ALK: variants seen among roughly 807,000 people sequenced by gnomAD.
ALK encodes ALK tyrosine kinase receptor.
A neutral mutation model predicts 163.1 loss-of-function variants in ALK; 74 were observed. That is an observed-to-expected ratio of 0.45 (90% CI 0.38 to 0.55). The LOEUF (loss-of-function observed/expected upper bound fraction) is 0.55. Among genes scored for constraint, ALK ranks in the 20% least tolerant of loss-of-function variants. The pLI is 0.00. For missense variants in ALK, 2,063 were observed against 2,105.3 expected, an observed-to-expected ratio of 0.98 and a Z score of 0.39; for synonymous variants, 960 against 843.2, an observed-to-expected ratio of 1.14 and a Z score of -2.40.
At chr2:29,517,641 T>C (rs1672706708) in intron 4 of ALK, among the ~76,000 whole-genome samples, 1 of 152,188 alleles carries the variant, frequency 6.6e-6, no homozygotes, top group African/African-American at 2.4e-5. Flanking sequence ...CTGCTACTAA[T>C]GGAGATATTA....
rs1425797886 is a variant in ALK at position 29,193,410 on chromosome 2, G to T, written c.4677C>A (p.Pro1559=). The stretch of plus-strand genomic sequence containing the variant: ...CCTTCATATTGGCAGTCAGCGAAGA[G>T]GGCTCTAGGAGCAGTGAGGCCCCCG... The part of the protein sequence containing the change: ...RLPGASLLLE[P]SSLTANMKEV... Residue 1559 remains proline, a synonymous_variant, in exon 29 of 29, where the codon CCC becomes CCA. Coordinates refer to ENST00000389048, the MANE Select transcript of ALK (RefSeq NM_004304.5). 6.2e-7 allele frequency: 1 copy of T among 1,614,198 alleles called. No individual in the cohort carries two copies. Among genetic ancestry groups the T allele is most frequent in the East Asian group, 2.2e-5 (1 of 44,874 alleles).
Position 29,878,899 on chromosome 2 carries a change from T to C in ALK, c.667+41094A>G, listed in dbSNP as rs573675776. ...TCCAGAGTTGAGAAGGTGAGGCTGG[T>C]AGATGGAGTAGGGAGAGAATCCAGG... On this transcript the variant is annotated intron_variant, in intron 1 of 28. Coordinates refer to ENST00000389048, the MANE Select transcript of ALK (RefSeq NM_004304.5). Among the ~76,000 whole-genome samples, 9 of 152,168 alleles carry C rather than the reference T, an allele frequency of 5.9e-5. No individual in the cohort carries two copies. The South Asian group carries it at 1.7e-3, about 28-fold the overall frequency.
At chr2:29,217,188 T>C (rs1037147135) in intron 23 of ALK, among the ~76,000 whole-genome samples, 2 of 150,990 alleles carry the variant, frequency 1.3e-5, no homozygotes, top group African/African-American at 4.9e-5. Flanking sequence ...GTTGTGTACA[T>C]GTGTGGTGTT....
intron 1 of ALK, among the ~76,000 whole-genome samples, chr2:29,790,703 C>T (rs1363035450): frequency 6.6e-6 from 1 of 152,178 alleles, no homozygotes. Context: ...CCTGCCTCAG[C>T]CTCCCAAGTA....
chr2:29,643,870 C>T (rs1233820997), intron 3 of ALK, among the ~76,000 whole-genome samples: 5 of 152,068 alleles, frequency 3.3e-5, no homozygotes, highest in African/African-American at 1.2e-4. Context: ...ACTAGGAATA[C>T]CATTTGACCC....
chr2:29,741,278 C>T (rs147956964), intron 1 of ALK, among the ~76,000 whole-genome samples: 6 of 152,186 alleles, frequency 3.9e-5, no homozygotes, highest in Non-Finnish European at 7.4e-5. Context: ...ACGGTGAGTG[C>T]CCAACATCAA....
intron 9 of ALK, among the ~76,000 whole-genome samples, chr2:29,286,144 G>A (rs373296681): frequency 6.6e-6 from 1 of 152,138 alleles, no homozygotes; most frequent in African/African-American, 2.4e-5. Context: ...GACTGCTCCT[G>A]TATCTGGACG....
At chr2:29,437,735 A>T (rs1670437580) in intron 4 of ALK, among the ~76,000 whole-genome samples, 1 of 152,122 alleles carries the variant, frequency 6.6e-6, no homozygotes, top group Non-Finnish European at 1.5e-5. Flanking sequence ...CAAATTCCAT[A>T]ATAGGTTCTT....
intron 5 of ALK, among the ~76,000 whole-genome samples, chr2:29,369,308 TTGTGTGTGTG>T (rs3054016): frequency 2.8e-5 from 4 of 145,298 alleles, no homozygotes; most frequent in East Asian, 2.0e-4. Context: ...ACGTGCATAT[TTGTGTGTGTG>T]TGTGTGTGTG....
At chr2:29,265,479 T>A (rs1170198728) in intron 11 of ALK, among the ~76,000 whole-genome samples, 1 of 152,206 alleles carries the variant, frequency 6.6e-6, no homozygotes, top group Non-Finnish European at 1.5e-5. Context: ...TAGTCCTCTT[T>A]TCCAGGAAAC....
intron 4 of ALK, among the ~76,000 whole-genome samples, chr2:29,487,235 GATGACC>G (rs1229817162): frequency 6.6e-6 from 1 of 152,186 alleles, no homozygotes; most frequent in Non-Finnish European, 1.5e-5. Flanking sequence ...GAAATAAACA[GATGACC>G]ATGTAGGGGA....
chr2:29,620,386 A>G (rs1218405844), intron 3 of ALK, among the ~76,000 whole-genome samples: 4 of 152,018 alleles, frequency 2.6e-5, no homozygotes, highest in Non-Finnish European at 5.9e-5. Context: ...TTCCTCCAGT[A>G]GGACCACATC....
chr2:29,594,904 G>T (rs1410652754), intron 3 of ALK, among the ~76,000 whole-genome samples: 1 of 100,844 alleles, frequency 9.9e-6, no homozygotes. Flanking sequence ...TGGGGGGTGG[G>T]GGGCGGGGGG....
At chr2:29,622,658 T>A (rs1676069245) in intron 3 of ALK, among the ~76,000 whole-genome samples, 2 of 152,140 alleles carry the variant, frequency 1.3e-5, no homozygotes, top group Admixed American at 1.3e-4. Flanking sequence ...GCCAGCTGCA[T>A]CTCTCAATCC....
chr2:29,419,319 G>A (rs148553497), intron 4 of ALK, among the ~76,000 whole-genome samples: 6 of 151,524 alleles, frequency 4.0e-5, no homozygotes, highest in East Asian at 1.9e-4. Context: ...TTCCCAAAGC[G>A]CTGGGATTAC....
chr2:29,376,360 AC>A (rs1451237995), intron 5 of ALK, among the ~76,000 whole-genome samples: 1 of 152,232 alleles, frequency 6.6e-6, no homozygotes, highest in Admixed American at 6.5e-5. Context: ...CTTTGCACAA[AC>A]CCTTACAACC....
intron 4 of ALK, among the ~76,000 whole-genome samples, chr2:29,419,298 C>A (rs1440169674): frequency 6.6e-6 from 1 of 151,414 alleles, no homozygotes; most frequent in African/African-American, 2.5e-5. Context: ...CAAGTGACCA[C>A]CCACCTCGGC....
At chr2:29,799,647 C>A (rs1465576356) in intron 1 of ALK, among the ~76,000 whole-genome samples, 1 of 152,172 alleles carries the variant, frequency 6.6e-6, no homozygotes, top group Non-Finnish European at 1.5e-5. Flanking sequence ...TGCACCACTG[C>A]ACTCCATCCT....
At chr2:29,793,927 T>A (rs1373620570) in intron 1 of ALK, among the ~76,000 whole-genome samples, 1 of 152,160 alleles carries the variant, frequency 6.6e-6, no homozygotes, top group Non-Finnish European at 1.5e-5. Flanking sequence ...TGACTTGAAC[T>A]TAATCACCAC....
Sources: gnomAD v4.1 joint callset for allele counts (sites outside exome capture counted in the v4.1 genomes callset) on GRCh38, gnomAD v4.1.1 for gene constraint, MANE v1.5 for transcripts, NCBI Gene and HGNC (gene_info 2026-07-23, HGNC 2026-07-21) for gene names.